The following PRKN variants were observed in gnomAD, a reference collection of about 807,000 sequenced individuals.
The protein encoded by PRKN is parkin RBR E3 ubiquitin protein ligase, also known as E3 ubiquitin-protein ligase parkin.
A neutral mutation model predicts 59.5 loss-of-function variants in PRKN; 56 were observed. That is an observed-to-expected ratio of 0.94 (90% CI 0.76 to 1.18). PRKN has a LOEUF of 1.18. Among genes scored for constraint, PRKN ranks in the 50% most tolerant of loss-of-function variants. The pLI is 0.00. For synonymous variants in PRKN, 250 were observed against 222.1 expected (o/e 1.13, Z -1.12); for missense variants, 657 against 596.4 (o/e 1.10, Z -1.06).
At position 162,649,160 on chromosome 6, in the gene PRKN, C is replaced by T. The variant is rs148840965; in HGVS notation, c.7+78502G>A. ...TTGACGGATACACATACTAAATCTCCGTCAATATAATAATCAACAAGTATT... is the reference window on the plus strand; with the variant it reads ...TTGACGGATACACATACTAAATCTCTGTCAATATAATAATCAACAAGTATT... On this transcript the variant is annotated intron_variant, in intron 1 of 11. Transcript: ENST00000366898. 6.8e-4 allele frequency among the ~76,000 whole-genome samples: 103 copies of T among 152,212 alleles called. 1 individual carries two copies. In the East Asian group the frequency reaches 0.012, roughly 17 times the overall value.
chr6:162,520,586 T>C (rs11962498), intron 1 of PRKN, among the ~76,000 whole-genome samples: 16,400 of 152,156 alleles, frequency 0.11, 1,041 homozygotes, highest in African/African-American at 0.17. Flanking sequence ...CCAAATATTA[T>C]TACAAACCAA....
intron 7 of PRKN, among the ~76,000 whole-genome samples, chr6:161,733,783 A>ATATATATATATATATATATATATATACGT (rs1554298472): frequency 1.2e-5 from 1 of 86,228 alleles, no homozygotes; most frequent in African/African-American, 8.8e-5. Flanking sequence ...AAAAAAAAAA[A>ATATATATATATATATATATATATATACGT]ATATATATAT....
intron 9 of PRKN, among the ~76,000 whole-genome samples, chr6:161,435,460 A>C (rs1788838281): frequency 6.6e-6 from 1 of 152,152 alleles, no homozygotes; most frequent in South Asian, 2.1e-4. Context: ...TTGTGCAGAG[A>C]GCTTTACAAA....
chr6:161,670,677 G>A (rs1427539528), intron 7 of PRKN, among the ~76,000 whole-genome samples: 2 of 152,132 alleles, frequency 1.3e-5, no homozygotes, highest in South Asian at 2.1e-4. Flanking sequence ...TTAGCCGGGC[G>A]TGGTGGCGGG....
At chr6:162,235,644 A>G (rs1778623070) in intron 3 of PRKN, among the ~76,000 whole-genome samples, 2 of 151,876 alleles carry the variant, frequency 1.3e-5, no homozygotes, top group South Asian at 2.1e-4. Context: ...TGTCTCTACT[A>G]AAAAAATACA....
chr6:162,207,832 C>G (rs945506223), intron 3 of PRKN, among the ~76,000 whole-genome samples: 2 of 152,152 alleles, frequency 1.3e-5, no homozygotes, highest in African/African-American at 4.8e-5. Context: ...AATAAACACT[C>G]AATAGGTATT....
At chr6:162,089,516 C>G (rs1245383931) in intron 4 of PRKN, among the ~76,000 whole-genome samples, 1 of 152,166 alleles carries the variant, frequency 6.6e-6, no homozygotes, top group Non-Finnish European at 1.5e-5. Flanking sequence ...GTTACCATAT[C>G]TCCAGCAACT....
At chr6:162,421,889 T>C (rs13216887) in intron 2 of PRKN, among the ~76,000 whole-genome samples, 9,202 of 152,298 alleles carry the variant, frequency 0.06, 412 homozygotes, top group Non-Finnish European at 0.093. Context: ...TATTAAAGTA[T>C]GTATTCTATT....
rs537315863 is a variant in PRKN, at chr6:161,378,928, C to A, written c.1167+7866G>T. Among the ~76,000 whole-genome samples the A allele has an allele frequency of 1.1e-3, 173 of 152,306 alleles. No individual in the cohort carries two copies. Among genetic ancestry groups the A allele is most frequent in the South Asian group, 2.1e-3 (10 of 4,824 alleles). On this transcript the variant is annotated intron_variant, in intron 10 of 11. Transcript: ENST00000366898. This position sits in a 1 kb window ranked among gnomAD's most constrained non-coding sequence, Gnocchi z 7.3. ...AGTTTATGCTCTCCATCTGTGCAACCTGGCCTTGCATATATAGGGGCCCTG... is the reference window on the plus strand; with the variant it reads ...AGTTTATGCTCTCCATCTGTGCAACATGGCCTTGCATATATAGGGGCCCTG...
intron 2 of PRKN, among the ~76,000 whole-genome samples, chr6:162,415,103 G>T (rs1583533457): frequency 6.6e-6 from 1 of 152,140 alleles, no homozygotes; most frequent in Non-Finnish European, 1.5e-5. Context: ...GAATGTTTCT[G>T]AAATCGAAGA....
At chr6:161,716,109 A>C (rs776200533) in intron 7 of PRKN, 57 of 1,347,652 alleles carry the variant, frequency 4.2e-5, no homozygotes, top group Non-Finnish European at 5.6e-5. Context: ...GAGCTCCTCT[A>C]AGCACCACTG....
At chr6:161,805,505 T>C (rs191017191) in intron 6 of PRKN, among the ~76,000 whole-genome samples, 2 of 146,080 alleles carry the variant, frequency 1.4e-5, no homozygotes, top group African/African-American at 2.5e-5. Context: ...CATGTACACA[T>C]AGAGCTCCCT....
intron 9 of PRKN, among the ~76,000 whole-genome samples, chr6:161,517,761 A>AAAAAAAAAAAAG (rs1466879535): frequency 6.7e-6 from 1 of 149,408 alleles, no homozygotes; most frequent in Non-Finnish European, 1.5e-5. Context: ...AAAAAAAAAA[A>AAAAAAAAAAAAG]AAAAGAGTTG....
chr6:162,455,245 C>T (rs1327397675), intron 1 of PRKN, among the ~76,000 whole-genome samples: 4 of 152,178 alleles, frequency 2.6e-5, no homozygotes, highest in African/African-American at 9.7e-5. Flanking sequence ...GTCCATCTGC[C>T]CATTCATCCA....
In PRKN at chr6:161,503,637, T is replaced by C. The variant is rs1778042236; in HGVS notation, c.1083+45217A>G. ...CTAGTCTAGCTGGGTTCTAAGGCAGTTGCTCTGCCCCCAGAGCCCTGCTTC... is the reference window on the plus strand; with the variant it reads ...CTAGTCTAGCTGGGTTCTAAGGCAGCTGCTCTGCCCCCAGAGCCCTGCTTC... On this transcript the variant is annotated intron_variant, in intron 9 of 11. Coordinates refer to ENST00000366898, the MANE Select transcript of PRKN (RefSeq NM_004562.3). This position sits in a 1 kb window ranked among gnomAD's most constrained non-coding sequence, Gnocchi z 5.1. 6.6e-6 allele frequency among the ~76,000 whole-genome samples: 1 copy of C among 152,196 alleles called. No individual in the cohort carries two copies. Among genetic ancestry groups the C allele is most frequent in the Non-Finnish European group, 1.5e-5 (1 of 68,044 alleles).
intron 4 of PRKN, among the ~76,000 whole-genome samples, chr6:162,097,633 GT>G (rs1412751548): frequency 1.3e-5 from 2 of 152,154 alleles, no homozygotes; most frequent in Admixed American, 1.3e-4. Flanking sequence ...ACCTTGCATG[GT>G]TGTTTCCACG....
At chr6:162,187,740 C>T (rs1784091329) in intron 4 of PRKN, among the ~76,000 whole-genome samples, 2 of 152,182 alleles carry the variant, frequency 1.3e-5, no homozygotes, top group South Asian at 4.1e-4. Context: ...GTGTCAGCAG[C>T]ATCCATGGCC....
intron 9 of PRKN, among the ~76,000 whole-genome samples, chr6:161,387,322 T>C (rs946996908): frequency 1.3e-5 from 2 of 152,234 alleles, no homozygotes; most frequent in African/African-American, 4.8e-5. Context: ...GGTTTTACAA[T>C]GGGCTTCCCC....
At chr6:162,567,915 G>C (rs1780149068) in intron 1 of PRKN, among the ~76,000 whole-genome samples, 1 of 152,140 alleles carries the variant, frequency 6.6e-6, no homozygotes, top group Non-Finnish European at 1.5e-5. Flanking sequence ...CATAAAAACA[G>C]ACACACAGAG....
Sources: gnomAD v4.1 joint callset for allele counts (sites outside exome capture counted in the v4.1 genomes callset) on GRCh38, gnomAD v4.1.1 for gene constraint, Gnocchi (gnomAD v3.1) non-coding constraint, MANE v1.5 for transcripts, NCBI Gene and HGNC (gene_info 2026-07-23, HGNC 2026-07-21) for gene names.